INPP4A: variants seen among roughly 807,000 people sequenced by gnomAD.
The protein encoded by INPP4A is inositol polyphosphate-4-phosphatase type I A.
In INPP4A, 33 loss-of-function variants were observed where a neutral mutation model predicts 119.8. The ratio of observed to expected loss-of-function variants is 0.28; its 90% CI spans 0.21 to 0.37. The LOEUF is 0.37. Among genes scored for constraint, INPP4A ranks in the 10% least tolerant of loss-of-function variants. The pLI is 1.00. For synonymous variants in INPP4A, 496 were observed against 500.7 expected (o/e 0.99, Z 0.12); for missense variants, 956 against 1,289.9 (o/e 0.74, Z 3.97).
chr2:98,477,020 GGTA>G (rs1443723601), intron 1 of INPP4A, among the ~76,000 whole-genome samples: 3 of 152,174 alleles, frequency 2.0e-5, no homozygotes, highest in Non-Finnish European at 4.4e-5. Flanking sequence ...TAGCAGGAGT[GGTA>G]GTAGTAATAG....
At chr2:98,472,964 T>A (rs1676360884) in intron 1 of INPP4A, among the ~76,000 whole-genome samples, 3 of 150,192 alleles carry the variant, frequency 2.0e-5, no homozygotes, top group Middle Eastern at 6.9e-3. Context: ...CAGTGTAGAG[T>A]GAGGAGGGCA....
intron 16 of INPP4A, among the ~76,000 whole-genome samples, chr2:98,557,855 C>T (rs1048553192): frequency 2.0e-5 from 3 of 152,144 alleles, no homozygotes; most frequent in African/African-American, 7.2e-5. Context: ...CCATCCCCCT[C>T]CACCCCCGCC....
intron 1 of INPP4A, among the ~76,000 whole-genome samples, chr2:98,471,906 G>A (rs182872697): frequency 2.6e-5 from 4 of 152,310 alleles, no homozygotes; most frequent in Admixed American, 2.6e-4. Flanking sequence ...GATTGAAGAA[G>A]TAACAATCTT....
intron 1 of INPP4A, among the ~76,000 whole-genome samples, chr2:98,499,259 C>T (rs183014412): frequency 7.2e-5 from 11 of 152,286 alleles, no homozygotes; most frequent in South Asian, 6.2e-4. Flanking sequence ...GGAACAGAAT[C>T]GCATGTCAGC....
chr2:98,567,186 A>G (rs1267698318), intron 21 of INPP4A, among the ~76,000 whole-genome samples: 2 of 152,196 alleles, frequency 1.3e-5, no homozygotes, highest in African/African-American at 2.4e-5. Flanking sequence ...GGAGGAGTCC[A>G]GGCCAGAGGT....
At chr2:98,453,528 A>T (rs948758270) in intron 1 of INPP4A, among the ~76,000 whole-genome samples, 1 of 152,172 alleles carries the variant, frequency 6.6e-6, no homozygotes, top group African/African-American at 2.4e-5. Flanking sequence ...AGATGTGTCA[A>T]ACCCTAGGGC....
chr2:98,447,797 C>T (rs1297028650), intron 1 of INPP4A, among the ~76,000 whole-genome samples: 2 of 152,124 alleles, frequency 1.3e-5, no homozygotes, highest in Admixed American at 6.5e-5. Context: ...GCAGTAATCC[C>T]CGCACTTTGG....
At chr2:98,581,712 T>C (rs756460643) in intron 24 of INPP4A, 1 of 1,613,302 alleles carries the variant, frequency 6.2e-7, no homozygotes, top group Admixed American at 1.7e-5. Context: ...TGTGTGGCTC[T>C]TTCTGAGCAT....
chr2:98,481,198 G>A (rs546126319), intron 1 of INPP4A, among the ~76,000 whole-genome samples: 1 of 152,282 alleles, frequency 6.6e-6, no homozygotes, highest in East Asian at 1.9e-4. Context: ...AAGGTGGAGG[G>A]TGTCACCACC....
chr2:98,473,359 A>G (rs928858314), intron 1 of INPP4A, among the ~76,000 whole-genome samples: 1 of 149,472 alleles, frequency 6.7e-6, no homozygotes, highest in Admixed American at 6.6e-5. Context: ...GAGAGTGAGG[A>G]GGGCAGTGTG....
intron 5 of INPP4A, among the ~76,000 whole-genome samples, chr2:98,534,993 G>T (rs1689962808): frequency 6.6e-6 from 1 of 152,156 alleles, no homozygotes; most frequent in African/African-American, 2.4e-5. Flanking sequence ...AGATGAGTTG[G>T]TTGAGGCCCC....
chr2:98,520,799 C>G (rs2105743643), intron 4 of INPP4A, 68 bp downstream of exon 4: 2 of 856,464 alleles, frequency 2.3e-6, no homozygotes, highest in African/African-American at 1.7e-5. Flanking sequence ...AAAAACACTA[C>G]CACCAGTGCA....
intron 1 of INPP4A, among the ~76,000 whole-genome samples, chr2:98,449,398 A>G (rs1204356226): frequency 6.6e-6 from 1 of 152,158 alleles, no homozygotes; most frequent in East Asian, 1.9e-4. Flanking sequence ...TATTCAATAG[A>G]TTATAGTCCA....
intron 16 of INPP4A, among the ~76,000 whole-genome samples, chr2:98,558,867 G>A (rs895398272): frequency 6.6e-6 from 1 of 152,170 alleles, no homozygotes; most frequent in African/African-American, 2.4e-5. Flanking sequence ...CATTCTAATT[G>A]GAGACTACCC....
intron 24 of INPP4A, 57 bp from the exon 25 acceptor site, chr2:98,587,419 G>A (rs2106568290): frequency 6.8e-7 from 1 of 1,480,432 alleles, no homozygotes; most frequent in Middle Eastern, 1.8e-4. Context: ...CTTAGTTTAA[G>A]TCTTTTCTTT....
At chr2:98,562,098 C>G (rs964830255) in intron 17 of INPP4A, among the ~76,000 whole-genome samples, 23 of 152,210 alleles carry the variant, frequency 1.5e-4, no homozygotes, top group African/African-American at 5.3e-4. Flanking sequence ...TCCACATTTT[C>G]CACCTCTCAG....
At chr2:98,489,831 C>A (rs1263536831) in intron 1 of INPP4A, among the ~76,000 whole-genome samples, 1 of 152,026 alleles carries the variant, frequency 6.6e-6, no homozygotes, top group Non-Finnish European at 1.5e-5. Context: ...GTCCTTGAAT[C>A]ATGTGGAATT....
intron 4 of INPP4A, among the ~76,000 whole-genome samples, chr2:98,529,076 C>CAAAAAA (rs200658332): frequency 1.1e-5 from 1 of 94,922 alleles, no homozygotes; most frequent in African/African-American, 4.1e-5. Flanking sequence ...GAGACTGTCT[C>CAAAAAA]AAAAAAAAAA....
intron 24 of INPP4A, 43 bp downstream of exon 24, chr2:98,577,186 C>A: frequency 1.3e-6 from 2 of 1,528,258 alleles, no homozygotes; most frequent in Non-Finnish European, 8.8e-7. Flanking sequence ...TGCCCCGGCC[C>A]GTGTAAACTG....
Sources: allele counts gnomAD v4.1 joint callset (sites outside exome capture counted in the v4.1 genomes callset), GRCh38; gene constraint gnomAD v4.1.1; transcripts MANE v1.5; gene names NCBI Gene and HGNC (gene_info 2026-07-23, HGNC 2026-07-21).